CNTN4: variants seen among roughly 807,000 people sequenced by gnomAD.
CNTN4 encodes the protein contactin 4.
Under a neutral mutation model 122.5 loss-of-function variants are expected in CNTN4, and 77 were observed. That is an observed-to-expected ratio of 0.63 (90% CI 0.52 to 0.76). The LOEUF (loss-of-function observed/expected upper bound fraction) is 0.76. CNTN4 is among the 30% of genes least tolerant of loss of function. The probability of loss-of-function intolerance (pLI) is 0.00; values close to 1 mark genes in which losing one functional copy is unlikely to be tolerated. For missense variants in CNTN4, 1,256 were observed against 1,259.1 expected (o/e 1.00, Z 0.04); for synonymous variants, 512 against 447.0 (o/e 1.15, Z -1.83).
chr3:2,400,235 G>A (rs992587008), intron 3 of CNTN4, among the ~76,000 whole-genome samples: 1 of 151,010 alleles, frequency 6.6e-6, no homozygotes, highest in African/African-American at 2.4e-5. Context: ...AACAATTCTA[G>A]TATCACAAAA....
At chr3:2,666,719 A>T (rs1559364223) in intron 4 of CNTN4, among the ~76,000 whole-genome samples, 2 of 147,720 alleles carry the variant, frequency 1.4e-5, no homozygotes, top group South Asian at 2.3e-4. Context: ...CATTAGGTAT[A>T]TCTCCTAATG....
chr3:2,367,322 G>A (rs549709515), intron 3 of CNTN4, among the ~76,000 whole-genome samples: 2 of 151,922 alleles, frequency 1.3e-5, no homozygotes, highest in Non-Finnish European at 2.9e-5. Context: ...AAATACAAAG[G>A]CAAATTACTA....
intron 3 of CNTN4, among the ~76,000 whole-genome samples, chr3:2,558,505 G>A (rs545942896): frequency 1.4e-4 from 22 of 151,742 alleles, no homozygotes; most frequent in African/African-American, 5.1e-4. Context: ...ATGCATTGTT[G>A]GCAAAATACC....
At chr3:2,893,542 C>G (rs914045713) in intron 10 of CNTN4, among the ~76,000 whole-genome samples, 2 of 152,160 alleles carry the variant, frequency 1.3e-5, no homozygotes, top group African/African-American at 4.8e-5. Context: ...TCTGATAGTT[C>G]CAATAAAGTA....
chr3:2,305,849 C>T (rs1222632790), intron 2 of CNTN4, among the ~76,000 whole-genome samples: 1 of 152,076 alleles, frequency 6.6e-6, no homozygotes, highest in African/African-American at 2.4e-5. Flanking sequence ...TATAGATTTG[C>T]CTGTTCAAGA....
At chr3:2,957,959 T>C (rs887687985) in intron 13 of CNTN4, among the ~76,000 whole-genome samples, 2 of 152,160 alleles carry the variant, frequency 1.3e-5, no homozygotes, top group Non-Finnish European at 2.9e-5. Flanking sequence ...TATTCAGTAA[T>C]GGGATTCCTG....
At chr3:2,156,396 A>G (rs2035720633) in intron 2 of CNTN4, among the ~76,000 whole-genome samples, 1 of 152,128 alleles carries the variant, frequency 6.6e-6, no homozygotes, top group South Asian at 2.1e-4. Flanking sequence ...CATTGCAGCA[A>G]TGGTCCCGCG....
At chr3:2,410,789 G>A (rs2047200062) in intron 3 of CNTN4, among the ~76,000 whole-genome samples, 1 of 152,136 alleles carries the variant, frequency 6.6e-6, no homozygotes, top group South Asian at 2.1e-4. Flanking sequence ...ATAAGCTTGG[G>A]GATAAATTAC....
chr3:2,649,657 C>T (rs757757398), intron 4 of CNTN4, among the ~76,000 whole-genome samples: 10 of 152,180 alleles, frequency 6.6e-5, no homozygotes, highest in Non-Finnish European at 1.3e-4. Flanking sequence ...GTTACCCTTC[C>T]AGCTAACACA....
chr3:2,919,373 A>C (rs1393708196), intron 12 of CNTN4, among the ~76,000 whole-genome samples: 1 of 148,754 alleles, frequency 6.7e-6, no homozygotes, highest in Non-Finnish European at 1.5e-5. Context: ...AAAAAAAAAA[A>C]AAAACCAGAT....
intron 2 of CNTN4, among the ~76,000 whole-genome samples, chr3:2,331,215 G>T (rs886432312): frequency 6.6e-6 from 1 of 152,150 alleles, no homozygotes; most frequent in African/African-American, 2.4e-5. Context: ...ACCTACACTT[G>T]GATATGGGCT....
intron 7 of CNTN4, among the ~76,000 whole-genome samples, chr3:2,828,251 C>T (rs1351539171): frequency 6.6e-6 from 1 of 152,042 alleles, no homozygotes; most frequent in South Asian, 2.1e-4. Context: ...TTCTTGGCCA[C>T]CACTGAGAGA....
At position 2,585,349 on chromosome 3, in the gene CNTN4, A is replaced by C. The variant is rs950903974; in HGVS notation, c.55+13791A>C. On this transcript the variant is annotated intron_variant, in intron 4 of 24. Coordinates refer to ENST00000418658, the MANE Select transcript of CNTN4 (RefSeq NM_175607.3). ...CCATCCCCTTACTGGGCATATACCCAAGGGATTATAAATCATGCTGCTATA... is the reference window on the plus strand; with the variant it reads ...CCATCCCCTTACTGGGCATATACCCCAGGGATTATAAATCATGCTGCTATA... Among the ~76,000 whole-genome samples the C allele has an allele frequency of 1.2e-4, 18 of 151,126 alleles. 2 individuals are homozygous for C. The highest frequency in any genetic ancestry group is 4.4e-4 in the African/African-American group (18 of 41,160).
intron 4 of CNTN4, among the ~76,000 whole-genome samples, chr3:2,656,853 G>A (rs947349975): frequency 6.6e-6 from 1 of 152,184 alleles, no homozygotes; most frequent in African/African-American, 2.4e-5. Flanking sequence ...GTGGTGGAAG[G>A]ACTGCCAGTT....
At chr3:2,769,149 A>T (rs1161952184) in intron 6 of CNTN4, among the ~76,000 whole-genome samples, 1 of 152,118 alleles carries the variant, frequency 6.6e-6, no homozygotes, top group Non-Finnish European at 1.5e-5. Context: ...CCACCAGTCT[A>T]CGCAAATATG....
intron 2 of CNTN4, among the ~76,000 whole-genome samples, chr3:2,172,437 A>G (rs1333156593): frequency 1.3e-5 from 2 of 152,120 alleles, no homozygotes; most frequent in Non-Finnish European, 2.9e-5. Flanking sequence ...AAAAGACTAC[A>G]TATTGGGTAC....
chr3:2,294,288 CTT>C (rs71058604), intron 2 of CNTN4, among the ~76,000 whole-genome samples: 20 of 135,496 alleles, frequency 1.5e-4, no homozygotes, highest in Admixed American at 2.2e-4. Context: ...AGAGTTGTGA[CTT>C]TTTTTTTTTT....
intron 3 of CNTN4, among the ~76,000 whole-genome samples, chr3:2,548,692 G>GT (rs1237545826): frequency 6.6e-6 from 1 of 152,036 alleles, no homozygotes; most frequent in East Asian, 1.9e-4. Context: ...ATTTGAAGTA[G>GT]TTTTTTCTAA....
At position 2,649,911 on chromosome 3, in the gene CNTN4, T is replaced by C. The variant is rs1239968660; in HGVS notation, c.55+78353T>C. On this transcript the variant is annotated intron_variant, in intron 4 of 24. Transcript: ENST00000418658. The stretch of plus-strand genomic sequence containing the variant: ...TGAGAGGCTGAGGCAGGCGGATCAC[T>C]TGAGGCAAGGAATTTGAGACCAGCC... Among the ~76,000 whole-genome samples the C allele has an allele frequency of 8.6e-5, 13 of 151,556 alleles. 1 individual carries two copies. The highest frequency in any genetic ancestry group is 8.6e-4 in the Admixed American group (13 of 15,166).
Sources: allele counts gnomAD v4.1 joint callset (sites outside exome capture counted in the v4.1 genomes callset), GRCh38; gene constraint gnomAD v4.1.1; transcripts MANE v1.5; gene names NCBI Gene and HGNC (gene_info 2026-07-23, HGNC 2026-07-21).